The following TUSC3 variants were observed in gnomAD, a reference collection of about 807,000 sequenced individuals.
TUSC3 encodes tumor suppressor candidate 3, also known as dolichyl-diphosphooligosaccharide--protein glycosyltransferase subunit TUSC3.
A neutral mutation model predicts 44.8 loss-of-function variants in TUSC3; 45 were observed. That is an observed-to-expected ratio of 1.00 (90% confidence interval 0.79 to 1.29). The LOEUF (loss-of-function observed/expected upper bound fraction) is 1.29. Ranked by LOEUF, TUSC3 falls within the 50% of genes most tolerant of loss-of-function variation. The pLI is 0.00. For synonymous variants in TUSC3, 212 were observed against 152.9 expected (o/e 1.39, Z -2.85); for missense variants, 519 against 437.9 (o/e 1.19, Z -1.65).
intron 7 of TUSC3, 161 bp from the exon 8 acceptor site, chr8:15,743,377 T>C (rs1185968959): frequency 1.4e-6 from 1 of 728,734 alleles, no homozygotes; most frequent in Non-Finnish European, 2.3e-6. Flanking sequence ...GCATATTTGC[T>C]CACAAAGAAT....
chr8:15,595,169 G>A (rs960375225), intron 1 of TUSC3, among the ~76,000 whole-genome samples: 2 of 152,134 alleles, frequency 1.3e-5, no homozygotes, highest in African/African-American at 4.8e-5. Flanking sequence ...TCTTAAGGCC[G>A]TTTGGAGAAC....
intron 1 of TUSC3, among the ~76,000 whole-genome samples, chr8:15,439,980 T>G (rs1799999201): frequency 6.6e-6 from 1 of 152,194 alleles, no homozygotes; most frequent in Non-Finnish European, 1.5e-5. Flanking sequence ...ATAGTGAGTG[T>G]CCACTCTATA....
intron 2 of TUSC3, among the ~76,000 whole-genome samples, chr8:15,644,373 T>A (rs1806527991): frequency 6.6e-6 from 1 of 152,216 alleles, no homozygotes; most frequent in Non-Finnish European, 1.5e-5. Flanking sequence ...TACTATGAAC[T>A]ACTACAACAA....
chr8:15,510,062 C>T (rs545288061), intron 2 of TUSC3, among the ~76,000 whole-genome samples: 3 of 151,862 alleles, frequency 2.0e-5, no homozygotes, highest in Non-Finnish European at 4.4e-5. Flanking sequence ...AGTCCTAGCT[C>T]CCTGGGAGGC....
intron 6 of TUSC3, among the ~76,000 whole-genome samples, chr8:15,723,530 C>G (rs192673560): frequency 3.9e-5 from 6 of 152,214 alleles, no homozygotes; most frequent in African/African-American, 1.2e-4. Flanking sequence ...CTCTTTATAT[C>G]TCTTCTTTCA....
intron 1 of TUSC3, among the ~76,000 whole-genome samples, chr8:15,563,288 T>G (rs891597841): frequency 6.6e-6 from 1 of 152,112 alleles, no homozygotes; most frequent in Non-Finnish European, 1.5e-5. Flanking sequence ...AATCTCTATG[T>G]CTCTCGATTT....
intron 7 of TUSC3, among the ~76,000 whole-genome samples, chr8:15,734,425 G>C (rs995470427): frequency 2.0e-5 from 3 of 151,932 alleles, no homozygotes; most frequent in African/African-American, 7.3e-5. Context: ...ATCCTAAGTA[G>C]TCTTTGAGAG....
At chr8:15,468,783 G>A (rs1374675285) in intron 1 of TUSC3, among the ~76,000 whole-genome samples, 1 of 151,868 alleles carries the variant, frequency 6.6e-6, no homozygotes, top group Non-Finnish European at 1.5e-5. Flanking sequence ...GAGATTCAAG[G>A]GATTCCTCTC....
At chr8:15,750,782 A>G (rs892338065) in intron 9 of TUSC3, among the ~76,000 whole-genome samples, 3 of 152,066 alleles carry the variant, frequency 2.0e-5, no homozygotes, top group Non-Finnish European at 4.4e-5. Context: ...CACTCCTGTC[A>G]GCTCCCCACC....
chr8:15,790,514 C>T, the TUSC3 span, among the ~76,000 whole-genome samples: 2 of 151,924 alleles, frequency 1.3e-5, no homozygotes, highest in African/African-American at 2.4e-5. Context: ...GTCATGGTGC[C>T]GATGGGAGTG....
intron 2 of TUSC3, among the ~76,000 whole-genome samples, chr8:15,526,684 G>A (rs779248250): frequency 3.9e-5 from 6 of 152,166 alleles, no homozygotes; most frequent in Non-Finnish European, 5.9e-5. Context: ...GGAACTGTGA[G>A]TCCATTGAAC....
chr8:15,844,411 A>G, the TUSC3 span, among the ~76,000 whole-genome samples: 2 of 152,292 alleles, frequency 1.3e-5, no homozygotes, highest in East Asian at 3.9e-4. Flanking sequence ...AGACAGAAAA[A>G]TAAACAAATA....
chr8:15,590,138 G>A (rs989731099), intron 1 of TUSC3, among the ~76,000 whole-genome samples: 1 of 152,126 alleles, frequency 6.6e-6, no homozygotes, highest in Non-Finnish European at 1.5e-5. Flanking sequence ...TGACATTTAT[G>A]GATATTTTAA....
chr8:15,704,388 A>T (rs887007237), intron 6 of TUSC3, among the ~76,000 whole-genome samples: 1 of 151,844 alleles, frequency 6.6e-6, no homozygotes, highest in Non-Finnish European at 1.5e-5. Flanking sequence ...ACAAGTTGAC[A>T]TGTGTTCTAT....
intron 1 of TUSC3, among the ~76,000 whole-genome samples, chr8:15,426,684 T>C (rs1249167205): frequency 1.3e-5 from 2 of 152,240 alleles, no homozygotes; most frequent in African/African-American, 4.8e-5. Context: ...ATGAATGTTG[T>C]AATGAACATG....
intron 6 of TUSC3, among the ~76,000 whole-genome samples, chr8:15,714,156 A>G (rs1809972238): frequency 6.6e-6 from 1 of 152,194 alleles, no homozygotes; most frequent in Non-Finnish European, 1.5e-5. Context: ...CAGTCTGTAT[A>G]AATTGCATTA....
At chr8:15,519,209 T>C (rs1055511862) in intron 2 of TUSC3, among the ~76,000 whole-genome samples, 4 of 152,216 alleles carry the variant, frequency 2.6e-5, no homozygotes. Context: ...TATTCTCTTA[T>C]TTGGCTAATT....
chr8:15,714,309 T>C (rs1809979923), intron 6 of TUSC3, among the ~76,000 whole-genome samples: 1 of 152,178 alleles, frequency 6.6e-6, no homozygotes, highest in Non-Finnish European at 1.5e-5. Flanking sequence ...ATATGTTGTT[T>C]TTAAATTTTG....
At chr8:15,457,772 T>C (rs1013101018) in intron 1 of TUSC3, among the ~76,000 whole-genome samples, 14 of 148,072 alleles carry the variant, frequency 9.5e-5, no homozygotes, top group Admixed American at 2.7e-4. Flanking sequence ...AATTAGATAA[T>C]CTAATAAATT....
Sources: allele counts gnomAD v4.1 joint callset (sites outside exome capture counted in the v4.1 genomes callset), GRCh38; gene constraint gnomAD v4.1.1; transcripts MANE v1.5; gene names NCBI Gene and HGNC (gene_info 2026-07-23, HGNC 2026-07-21).